PLCL1: variants seen among roughly 807,000 people sequenced by gnomAD.
The protein encoded by PLCL1 is phospholipase C like 1 (inactive).
A neutral mutation model predicts 84.4 loss-of-function variants in PLCL1; 41 were observed. The observed-to-expected ratio is 0.49, with a 90% CI of 0.38 to 0.63. The LOEUF is 0.63. Among genes scored for constraint, PLCL1 ranks in the 30% least tolerant of loss-of-function variants. The pLI is 0.00. For synonymous variants in PLCL1, 490 were observed against 488.3 expected (o/e 1.00, Z -0.05); for missense variants, 1,206 against 1,367.8 (o/e 0.88, Z 1.87).
At chr2:198,125,689 A>C (rs62277912) in intron 5 of PLCL1, among the ~76,000 whole-genome samples, 18,101 of 152,206 alleles carry the variant, frequency 0.12, 1,118 homozygotes, top group Middle Eastern at 0.22. Context: ...AAAATATAAT[A>C]TGTCATGGTG....
At chr2:198,078,877 T>C (rs1255303567) in intron 1 of PLCL1, among the ~76,000 whole-genome samples, 1 of 152,136 alleles carries the variant, frequency 6.6e-6, no homozygotes, top group East Asian at 1.9e-4. Flanking sequence ...CCCTGTGTGT[T>C]AAAATATACA....
At chr2:198,139,379 A>G (rs1451806337) in intron 5 of PLCL1, among the ~76,000 whole-genome samples, 2 of 152,086 alleles carry the variant, frequency 1.3e-5, no homozygotes, top group Admixed American at 6.6e-5. Flanking sequence ...CTGTCTCTAC[A>G]TTTGCATTAT....
intron 1 of PLCL1, among the ~76,000 whole-genome samples, chr2:197,947,100 G>A (rs1689289492): frequency 6.6e-6 from 1 of 151,954 alleles, no homozygotes; most frequent in African/African-American, 2.4e-5. Context: ...GGCAAATAGG[G>A]GTGAACATAC....
chr2:197,975,440 G>T (rs1280434965), intron 1 of PLCL1, among the ~76,000 whole-genome samples: 1 of 152,050 alleles, frequency 6.6e-6, no homozygotes, highest in South Asian at 2.1e-4. Context: ...TATTCTTCCA[G>T]TCCTGCTTTC....
At chr2:197,829,608 G>T (rs1383751076) in intron 1 of PLCL1, among the ~76,000 whole-genome samples, 1 of 152,216 alleles carries the variant, frequency 6.6e-6, no homozygotes, top group Admixed American at 6.5e-5. Context: ...ATTATAAGTA[G>T]TATTCATTAG....
chr2:197,913,477 C>A (rs1263518072), intron 1 of PLCL1, among the ~76,000 whole-genome samples: 1 of 152,180 alleles, frequency 6.6e-6, no homozygotes, highest in Non-Finnish European at 1.5e-5. Context: ...CGATTAGGTT[C>A]TTTCAATAAA....
At chr2:197,954,657 G>A (rs756412723) in intron 1 of PLCL1, among the ~76,000 whole-genome samples, 15 of 152,040 alleles carry the variant, frequency 9.9e-5, no homozygotes, top group Non-Finnish European at 1.8e-4. Context: ...ATTCAGAAAC[G>A]ACTAGCTTTG....
At chr2:197,962,665 G>T (rs919002884) in intron 1 of PLCL1, among the ~76,000 whole-genome samples, 1 of 151,796 alleles carries the variant, frequency 6.6e-6, no homozygotes, top group South Asian at 2.1e-4. Flanking sequence ...GCACTCTTTT[G>T]TGCTATCAAA....
At chr2:198,134,433 T>C (rs1694205536) in intron 5 of PLCL1, among the ~76,000 whole-genome samples, 1 of 152,092 alleles carries the variant, frequency 6.6e-6, no homozygotes. Context: ...GCCTCATTCA[T>C]TAAAACCTGA....
intron 1 of PLCL1, among the ~76,000 whole-genome samples, chr2:197,899,918 A>G (rs1425566514): frequency 6.6e-6 from 1 of 152,018 alleles, no homozygotes; most frequent in Non-Finnish European, 1.5e-5. Context: ...TACAGGCGTG[A>G]GCCACCGCGC....
chr2:197,967,282 C>T (rs961930145), intron 1 of PLCL1, among the ~76,000 whole-genome samples: 6 of 152,122 alleles, frequency 3.9e-5, no homozygotes, highest in Admixed American at 6.6e-5. Flanking sequence ...CTGCAACCTC[C>T]GCCTCTCAGG....
intron 1 of PLCL1, among the ~76,000 whole-genome samples, chr2:197,937,851 C>G (rs1321350716): frequency 6.6e-6 from 1 of 152,062 alleles, no homozygotes; most frequent in African/African-American, 2.4e-5. Flanking sequence ...AGAGAAGGAT[C>G]AAGGATTTTT....
rs1574347912 is a variant in PLCL1, at chr2:198,149,459, T to A, written c.*2497T>A. 2 of 152,304 alleles carry A rather than the reference T, an allele frequency of 1.3e-5. No homozygotes were observed. Among genetic ancestry groups the A allele is most frequent in the East Asian group, 3.9e-4 (2 of 5,182 alleles). The allele number at this position is 152,304 out of a possible 1,614,324, so 9.4% of individuals were successfully genotyped here. On this transcript the variant is annotated 3_prime_UTR_variant, in exon 6 of 6. Transcript: ENST00000428675. ...GCCACTGAGGTAATTAATGGAATAA[T>A]TGATTTTGAACTTGGGTCTGTCTGA...
intron 1 of PLCL1, among the ~76,000 whole-genome samples, chr2:197,845,703 T>G (rs1687107082): frequency 6.6e-6 from 1 of 152,174 alleles, no homozygotes; most frequent in Non-Finnish European, 1.5e-5. Flanking sequence ...GGTGATTATA[T>G]TTCCTACGTA....
chr2:198,068,790 G>A (rs1692377304), intron 1 of PLCL1, among the ~76,000 whole-genome samples: 1 of 152,174 alleles, frequency 6.6e-6, no homozygotes, highest in Non-Finnish European at 1.5e-5. Flanking sequence ...GGGAGGCCGA[G>A]GTGGACGGAT....
At chr2:197,827,358 G>A (rs186357448) in intron 1 of PLCL1, among the ~76,000 whole-genome samples, 46 of 152,060 alleles carry the variant, frequency 3.0e-4, no homozygotes, top group African/African-American at 1.0e-3. Flanking sequence ...GTGTATATAT[G>A]CATATAAATA....
rs1276436550 is a variant in PLCL1 at position 197,902,215 on chromosome 2, A to T, written c.240+96876A>T. Among the ~76,000 whole-genome samples, 3 of 152,142 alleles carry T rather than the reference A, an allele frequency of 2.0e-5. No homozygotes were observed. In the East Asian group the frequency reaches 5.8e-4, roughly 29 times the overall value. Reference sequence around the variant, plus strand: ...GGGCCTGATACGCAGCTATCCTAGGACAGCCAAGGAAGGGAATTCTGGGCT... The same window carrying T: ...GGGCCTGATACGCAGCTATCCTAGGTCAGCCAAGGAAGGGAATTCTGGGCT... On this transcript the variant is annotated intron_variant, in intron 1 of 5. Coordinates refer to ENST00000428675, the MANE Select transcript of PLCL1 (RefSeq NM_006226.4).
chr2:197,889,431 T>C (rs1687975014), intron 1 of PLCL1, among the ~76,000 whole-genome samples: 1 of 151,878 alleles, frequency 6.6e-6, no homozygotes, highest in Admixed American at 6.5e-5. Context: ...TGAGCTGCTT[T>C]AACCAAAAAA....
At chr2:198,002,079 A>G (rs1574237707) in intron 1 of PLCL1, 2 of 334,878 alleles carry the variant, frequency 6.0e-6, no homozygotes, top group East Asian at 1.6e-4. Flanking sequence ...CAATAAATGT[A>G]ATGTGCTTAA....
Sources: gnomAD v4.1 joint callset for allele counts (sites outside exome capture counted in the v4.1 genomes callset) on GRCh38, gnomAD v4.1.1 for gene constraint, MANE v1.5 for transcripts, NCBI Gene and HGNC (gene_info 2026-07-23, HGNC 2026-07-21) for gene names.